PPP3CC: variants seen among roughly 807,000 people sequenced by gnomAD.
PPP3CC encodes the protein serine/threonine-protein phosphatase 2B catalytic subunit gamma isoform.
Under a neutral mutation model 60.3 loss-of-function variants are expected in PPP3CC, and 35 were observed. The observed-to-expected ratio is 0.58, with a 90% CI of 0.44 to 0.77. The LOEUF (loss-of-function observed/expected upper bound fraction) is 0.77. Among genes scored for constraint, PPP3CC ranks in the 30% least tolerant of loss-of-function variants. PPP3CC has a pLI of 0.00. For missense variants in PPP3CC, 570 were observed against 628.9 expected, an observed-to-expected ratio of 0.91 and a Z score of 1.00; for synonymous variants, 206 against 224.3, an observed-to-expected ratio of 0.92 and a Z score of 0.73.
intron 4 of PPP3CC, among the ~76,000 whole-genome samples, chr8:22,498,997 G>A (rs1176315330): frequency 6.6e-6 from 1 of 151,982 alleles, no homozygotes; most frequent in Non-Finnish European, 1.5e-5. Flanking sequence ...GGTCGTGCGT[G>A]CCTGTAATCC....
At chr8:22,453,264 G>A (rs960318179) in intron 1 of PPP3CC, among the ~76,000 whole-genome samples, 8 of 152,176 alleles carry the variant, frequency 5.3e-5, no homozygotes, top group Non-Finnish European at 1.2e-4. Flanking sequence ...GGATCTTGGC[G>A]AGATTTGACA....
At chr8:22,464,192 A>G (rs1837448470) in intron 1 of PPP3CC, among the ~76,000 whole-genome samples, 1 of 152,190 alleles carries the variant, frequency 6.6e-6, no homozygotes, top group African/African-American at 2.4e-5. Context: ...AATTTAATAA[A>G]GCAAAGAGTT....
chr8:22,505,858 T>G (rs1838900521), intron 4 of PPP3CC, among the ~76,000 whole-genome samples: 1 of 151,956 alleles, frequency 6.6e-6, no homozygotes, highest in African/African-American at 2.4e-5. Flanking sequence ...TCCTTGGTGA[T>G]AACAATGTTA....
chr8:22,516,627 C>CACAT (rs1839252024), intron 6 of PPP3CC, among the ~76,000 whole-genome samples: 1 of 152,244 alleles, frequency 6.6e-6, no homozygotes, highest in African/African-American at 2.4e-5. Flanking sequence ...TCACCTCACT[C>CACAT]ACATGTTCCT....
At chr8:22,466,721 G>A (rs1172585533) in intron 1 of PPP3CC, among the ~76,000 whole-genome samples, 1 of 152,034 alleles carries the variant, frequency 6.6e-6, no homozygotes, top group Non-Finnish European at 1.5e-5. Flanking sequence ...CTGGATATTA[G>A]CCCTTTGTCA....
intron 1 of PPP3CC, among the ~76,000 whole-genome samples, chr8:22,465,728 C>T (rs1183420731): frequency 6.6e-6 from 1 of 152,126 alleles, no homozygotes; most frequent in Non-Finnish European, 1.5e-5. Flanking sequence ...TATAAATTAT[C>T]CAGTCTATAA....
At position 22,505,521 on chromosome 8, in the gene PPP3CC, A is replaced by G. The variant is rs188209005; in HGVS notation, c.485-5565A>G. Among the ~76,000 whole-genome samples, 619 of 152,314 alleles carry G rather than the reference A, an allele frequency of 4.1e-3. 3 individuals carry two copies. The highest frequency in any genetic ancestry group is 7.2e-3 in the Non-Finnish European group (493 of 68,030). ...GATCTAATTAGATTGTGGTATATCCATAAAGCGAAATACTAGGTAAATGTT... is the reference window on the plus strand; with the variant it reads ...GATCTAATTAGATTGTGGTATATCCGTAAAGCGAAATACTAGGTAAATGTT... On this transcript the variant is annotated intron_variant, in intron 4 of 13. Coordinates refer to ENST00000240139, the MANE Select transcript of PPP3CC (RefSeq NM_005605.5).
At position 22,522,623 on chromosome 8, in the gene PPP3CC, T is replaced by C. The variant is rs562695326; in HGVS notation, c.849-32T>C. 4.4e-6 allele frequency: 7 copies of C among 1,590,308 alleles called. No homozygotes were observed. The African/African-American group carries it at 8.1e-5, about 18-fold the overall frequency. On this transcript the variant is annotated intron_variant, in intron 7 of 13. Coordinates refer to ENST00000240139, the MANE Select transcript of PPP3CC (RefSeq NM_005605.5). ...CGCTGCAGAGTCTTTGCATTTAATATGCAGACAGATGGACTTTCATCTCTT... is the reference window on the plus strand; with the variant it reads ...CGCTGCAGAGTCTTTGCATTTAATACGCAGACAGATGGACTTTCATCTCTT...
At chr8:22,494,385 G>C (rs1161067961) in intron 3 of PPP3CC, among the ~76,000 whole-genome samples, 1 of 152,084 alleles carries the variant, frequency 6.6e-6, no homozygotes, top group East Asian at 1.9e-4. Flanking sequence ...AGGAAAGACC[G>C]GCCCCCATGA....
intron 5 of PPP3CC, among the ~76,000 whole-genome samples, chr8:22,512,715 C>G (rs550978274): frequency 6.6e-6 from 1 of 152,290 alleles, no homozygotes; most frequent in East Asian, 1.9e-4. Context: ...TAAATTAGCA[C>G]TGCTTTACGA....
intron 6 of PPP3CC, among the ~76,000 whole-genome samples, chr8:22,515,991 T>C (rs1321542455): frequency 6.6e-6 from 1 of 152,000 alleles, no homozygotes; most frequent in Non-Finnish European, 1.5e-5. Flanking sequence ...CGGGCTGGAG[T>C]GCAGTGGCAC....
In PPP3CC at chr8:22,475,053, G is replaced by A; in HGVS notation, c.149G>A (p.Gly50Glu). 1 of 1,613,566 alleles carries A rather than the reference G, an allele frequency of 6.2e-7. No individual in the cohort carries two copies. The highest frequency in any genetic ancestry group is 8.5e-7 in the Non-Finnish European group (1 of 1,179,642). The change falls in exon 2 of 14, where the codon GGA becomes GAA. Residue 50 changes from glycine (G) to glutamate (E), a missense_variant. Physicochemically the swap from Gly to Glu is moderately conservative, Grantham distance 98 (BLOSUM62 -2). Coordinates refer to ENST00000240139, the MANE Select transcript of PPP3CC (RefSeq NM_005605.5). The stretch of plus-strand genomic sequence containing the variant: ...TTAAAAAACCATTTGGTAAAGGAAG[G>A]ACGACTGGAAGAGGAAGTAGCCTTA... ...DVLKNHLVKE[G>E]RLEEEVALKI... is the part of the protein sequence containing the mutation.
At chr8:22,475,778 T>A in intron 3 of PPP3CC, 154 bp downstream of exon 3, 4 of 741,242 alleles carry the variant, frequency 5.4e-6, no homozygotes, top group Non-Finnish European at 8.1e-6. Context: ...TTTTAATTGA[T>A]AGAACAGTTA....
chr8:22,507,738 G>A (rs1005579652), intron 4 of PPP3CC, among the ~76,000 whole-genome samples: 1 of 152,118 alleles, frequency 6.6e-6, no homozygotes, highest in African/African-American at 2.4e-5. Flanking sequence ...TGAATCTACT[G>A]TTTAGGGTGT....
intron 3 of PPP3CC, among the ~76,000 whole-genome samples, chr8:22,487,109 A>C (rs1838248054): frequency 6.6e-6 from 1 of 152,222 alleles, no homozygotes; most frequent in Non-Finnish European, 1.5e-5. Flanking sequence ...TTTAAATGGT[A>C]CAAAGTTGTC....
At chr8:22,500,734 C>G (rs1211129081) in intron 4 of PPP3CC, among the ~76,000 whole-genome samples, 1 of 152,222 alleles carries the variant, frequency 6.6e-6, no homozygotes, top group African/African-American at 2.4e-5. Context: ...AAAAGTCCCT[C>G]TGTCAAAAGT....
At chr8:22,442,521 CT>C in intron 1 of PPP3CC, among the ~76,000 whole-genome samples, 1 of 152,232 alleles carries the variant, frequency 6.6e-6, no homozygotes, top group South Asian at 2.1e-4. Flanking sequence ...GGTTTCCCCC[CT>C]CTCTCCCCAA....
At chr8:22,500,626 T>C (rs902851893) in intron 4 of PPP3CC, among the ~76,000 whole-genome samples, 9 of 152,172 alleles carry the variant, frequency 5.9e-5, no homozygotes, top group African/African-American at 2.2e-4. Context: ...TCTTCTTACA[T>C]TGGAGATAGT....
chr8:22,499,370 C>T lies in PPP3CC; in HGVS notation c.484+1258C>T, dbSNP rs548708146. On this transcript the variant is annotated intron_variant, in intron 4 of 13. Coordinates refer to ENST00000240139, the MANE Select transcript of PPP3CC (RefSeq NM_005605.5). The stretch of plus-strand genomic sequence containing the variant: ...AGGAGAATGGCGTGAACCCGGGAAG[C>T]GGAGCTTGCAGTGAGCCGAGATTGC... Among the ~76,000 whole-genome samples the T allele has an allele frequency of 1.1e-4, 16 of 149,160 alleles. No homozygotes were observed. The South Asian group carries it at 1.9e-3, about 18-fold the overall frequency.
Sources: allele counts gnomAD v4.1 joint callset (sites outside exome capture counted in the v4.1 genomes callset), GRCh38; gene constraint gnomAD v4.1.1; transcripts MANE v1.5; gene names NCBI Gene and HGNC (gene_info 2026-07-23, HGNC 2026-07-21).